LDB2: variants seen among roughly 807,000 people sequenced by gnomAD.
LDB2 encodes the protein LIM domain-binding protein 2.
LDB2 carries 12 observed loss-of-function variants against 44.3 expected under a neutral mutation model. That is an observed-to-expected ratio of 0.27 (90% confidence interval 0.17 to 0.44). The LOEUF (loss-of-function observed/expected upper bound fraction) is 0.44. Among genes scored for constraint, LDB2 ranks in the 20% least tolerant of loss-of-function variants. LDB2 has a pLI of 1.00. For synonymous variants in LDB2, 164 were observed against 174.8 expected (o/e 0.94, Z 0.49); for missense variants, 344 against 473.5 (o/e 0.73, Z 2.54).
intron 1 of LDB2, among the ~76,000 whole-genome samples, chr4:16,860,892 C>A (rs17759518): frequency 0.13 from 20,169 of 151,366 alleles, 1,463 homozygotes; most frequent in Middle Eastern, 0.22. Flanking sequence ...AAACTGAATA[C>A]CCCAGGGGCA....
chr4:16,576,250 A>G (rs1040017047), intron 5 of LDB2, among the ~76,000 whole-genome samples: 1 of 152,178 alleles, frequency 6.6e-6, no homozygotes, highest in Non-Finnish European at 1.5e-5. Context: ...GCAGGAATCA[A>G]TGAAATTAAA....
At chr4:16,769,970 C>T (rs370624131) in intron 1 of LDB2, among the ~76,000 whole-genome samples, 8 of 152,234 alleles carry the variant, frequency 5.3e-5, no homozygotes, top group Admixed American at 3.9e-4. Flanking sequence ...GGTTTTCCCC[C>T]CAAAGACCTG....
At chr4:16,700,588 C>G (rs927409472) in intron 2 of LDB2, among the ~76,000 whole-genome samples, 1 of 152,094 alleles carries the variant, frequency 6.6e-6, no homozygotes, top group Non-Finnish European at 1.5e-5. Context: ...TCACATTACA[C>G]CTGCAAAGCT....
intron 2 of LDB2, among the ~76,000 whole-genome samples, chr4:16,711,964 A>G (rs1388546103): frequency 6.6e-6 from 1 of 152,204 alleles, no homozygotes; most frequent in Non-Finnish European, 1.5e-5. Context: ...AACCTAAAAT[A>G]ATAGAACTTT....
chr4:16,843,342 G>A (rs572580582), intron 1 of LDB2, among the ~76,000 whole-genome samples: 1 of 152,048 alleles, frequency 6.6e-6, no homozygotes, highest in Non-Finnish European at 1.5e-5. Flanking sequence ...GCTTCTTAAG[G>A]GGAAGAAGCA....
chr4:16,708,964 T>TGG (rs1175675308), intron 2 of LDB2, among the ~76,000 whole-genome samples: 1 of 152,046 alleles, frequency 6.6e-6, no homozygotes, highest in Non-Finnish European at 1.5e-5. Flanking sequence ...CTCTAACACT[T>TGG]TGGATGCAGA....
intron 1 of LDB2, among the ~76,000 whole-genome samples, chr4:16,801,591 A>G (rs1366724005): frequency 1.3e-5 from 2 of 152,200 alleles, no homozygotes; most frequent in Non-Finnish European, 2.9e-5. Context: ...CTGATTCACT[A>G]TCATCCAATG....
At position 16,882,501 on chromosome 4, in the gene LDB2, C is replaced by T. The variant is rs528558550; in HGVS notation, c.132+15853G>A. Among the ~76,000 whole-genome samples the T allele has an allele frequency of 6.6e-5, 10 of 152,260 alleles. 1 individual carries two copies. Among genetic ancestry groups the T allele is most frequent in the African/African-American group, 2.4e-4 (10 of 41,562 alleles). The stretch of plus-strand genomic sequence containing the variant: ...CCCTCCATTCTCTCCCCACCTCCCC[C>T]ATTCTTTAGTTATCCTAAGGGTATC... On this transcript the variant is annotated intron_variant, in intron 1 of 7. Coordinates refer to ENST00000304523, the MANE Select transcript of LDB2 (RefSeq NM_001290.5).
chr4:16,638,299 A>C (rs1379118375), intron 2 of LDB2, among the ~76,000 whole-genome samples: 1 of 152,222 alleles, frequency 6.6e-6, no homozygotes, highest in Non-Finnish European at 1.5e-5. Context: ...TTGAATGGGC[A>C]CAGTGACATC....
At chr4:16,794,433 C>T (rs1423519029) in intron 1 of LDB2, among the ~76,000 whole-genome samples, 1 of 152,170 alleles carries the variant, frequency 6.6e-6, no homozygotes, top group African/African-American at 2.4e-5. Context: ...GAAAAATGCA[C>T]GTCTCATCTT....
intron 2 of LDB2, among the ~76,000 whole-genome samples, chr4:16,753,923 C>T (rs1331626183): frequency 6.6e-6 from 1 of 152,164 alleles, no homozygotes; most frequent in Non-Finnish European, 1.5e-5. Context: ...GGAGCATTTT[C>T]AAAGGGATGA....
chr4:16,632,979 C>T (rs550111267), intron 2 of LDB2, among the ~76,000 whole-genome samples: 2 of 152,318 alleles, frequency 1.3e-5, no homozygotes, highest in South Asian at 2.1e-4. Flanking sequence ...TATAAAGGCC[C>T]ATGCACATGT....
In LDB2 at chr4:16,819,092, T is replaced by TTG. The variant is rs34553159; in HGVS notation, c.133-59834_133-59833dup. On this transcript the variant is annotated intron_variant, in intron 1 of 7. Coordinates refer to ENST00000304523, the MANE Select transcript of LDB2 (RefSeq NM_001290.5). ...AATCTTTCGTTTCAGTTGTGGTTGCTTGTGTGTGTGTGTGTGTGTGTGTGT... is the reference window on the plus strand; with the variant it reads ...AATCTTTCGTTTCAGTTGTGGTTGCTTGTGTGTGTGTGTGTGTGTGTGTGTGT... 3.2e-3 allele frequency among the ~76,000 whole-genome samples: 477 copies of TTG among 148,944 alleles called. 2 individuals are homozygous for TTG. The highest frequency in any genetic ancestry group is 9.3e-3 in the African/African-American group (370 of 39,800).
chr4:16,625,814 TAA>T, intron 2 of LDB2, among the ~76,000 whole-genome samples: 1 of 152,310 alleles, frequency 6.6e-6, no homozygotes, highest in East Asian at 1.9e-4. Flanking sequence ...ATCATCATTG[TAA>T]AGAGTGTCTC....
intron 2 of LDB2, among the ~76,000 whole-genome samples, chr4:16,640,704 G>C (rs1413589208): frequency 6.6e-6 from 1 of 152,180 alleles, no homozygotes; most frequent in African/African-American, 2.4e-5. Flanking sequence ...AAGAGGTGAA[G>C]TGACTTGGCC....
chr4:16,868,001 T>C (rs1188505900), intron 1 of LDB2, among the ~76,000 whole-genome samples: 1 of 152,176 alleles, frequency 6.6e-6, no homozygotes, highest in Non-Finnish European at 1.5e-5. Context: ...CCTCTCAAAT[T>C]ACCAAAGCCC....
At chr4:16,694,466 T>G (rs1189621067) in intron 2 of LDB2, among the ~76,000 whole-genome samples, 2 of 152,178 alleles carry the variant, frequency 1.3e-5, no homozygotes, top group Admixed American at 1.3e-4. Context: ...TCATTGTAGT[T>G]CATGTTTATT....
intron 1 of LDB2, among the ~76,000 whole-genome samples, chr4:16,803,552 C>T (rs1186397286): frequency 6.6e-6 from 1 of 152,156 alleles, no homozygotes; most frequent in Non-Finnish European, 1.5e-5. Context: ...CCTGTGCACT[C>T]ACCAAATTGC....
At chr4:16,883,479 A>T (rs1720775549) in intron 1 of LDB2, among the ~76,000 whole-genome samples, 1 of 152,240 alleles carries the variant, frequency 6.6e-6, no homozygotes, top group Non-Finnish European at 1.5e-5. Context: ...TGGGGCATGA[A>T]CTACCATGCA....
Sources: gnomAD v4.1 joint callset for allele counts (sites outside exome capture counted in the v4.1 genomes callset) on GRCh38, gnomAD v4.1.1 for gene constraint, MANE v1.5 for transcripts, NCBI Gene and HGNC (gene_info 2026-07-23, HGNC 2026-07-21) for gene names.